The following SNX18 variants were observed in gnomAD, a reference collection of about 807,000 sequenced individuals.
SNX18 encodes sorting nexin 18.
Under a neutral mutation model 48.7 loss-of-function variants are expected in SNX18, and 35 were observed. The ratio of observed to expected loss-of-function variants is 0.72; its 90% CI spans 0.55 to 0.95. The LOEUF (loss-of-function observed/expected upper bound fraction) is 0.95, where lower values mean the gene tolerates loss of function less well. Among genes scored for constraint, SNX18 ranks in the 40% least tolerant of loss-of-function variants. The probability of loss-of-function intolerance (pLI) is 0.00; values close to 1 mark genes in which losing one functional copy is unlikely to be tolerated. For missense variants in SNX18, 824 were observed against 871.0 expected, an observed-to-expected ratio of 0.95 and a Z score of 0.68; for synonymous variants, 492 against 384.7, an observed-to-expected ratio of 1.28 and a Z score of -3.26.
At chr5:54,629,620 T>G in the SNX18 span, among the ~76,000 whole-genome samples, 1 of 152,202 alleles carries the variant, frequency 6.6e-6, no homozygotes, top group African/African-American at 2.4e-5. Flanking sequence ...GGTGCTGCAT[T>G]TACCTTGGTG....
At chr5:54,557,365 T>C in the SNX18 span, among the ~76,000 whole-genome samples, 1 of 152,224 alleles carries the variant, frequency 6.6e-6, no homozygotes, top group African/African-American at 2.4e-5. Context: ...GAATCACCTT[T>C]ATTTTGGAAA....
At chr5:54,633,779 T>C in the SNX18 span, among the ~76,000 whole-genome samples, 2 of 152,214 alleles carry the variant, frequency 1.3e-5, no homozygotes. Flanking sequence ...AGCTTGAACA[T>C]AAATTTCACT....
chr5:54,596,728 G>A, the SNX18 span, among the ~76,000 whole-genome samples: 20 of 152,250 alleles, frequency 1.3e-4, no homozygotes, highest in African/African-American at 4.8e-4. Flanking sequence ...CTGTCCATGA[G>A]ACAGATAGCA....
downstream of SNX18, among the ~76,000 whole-genome samples, chr5:54,551,207 C>T (rs1197498551): frequency 2.0e-5 from 3 of 152,080 alleles, no homozygotes; most frequent in Non-Finnish European, 2.9e-5. Context: ...ACAGTGGACT[C>T]AATGATCAAG....
At chr5:54,569,868 A>AG in the SNX18 span, among the ~76,000 whole-genome samples, 1 of 152,152 alleles carries the variant, frequency 6.6e-6, no homozygotes, top group Non-Finnish European at 1.5e-5. Flanking sequence ...ATTCATGGGG[A>AG]GGGGGCAAGA....
At chr5:54,538,243 G>A (rs1482767314) in intron 1 of SNX18, among the ~76,000 whole-genome samples, 1 of 152,150 alleles carries the variant, frequency 6.6e-6, no homozygotes, top group African/African-American at 2.4e-5. Context: ...GCCAACACTT[G>A]TAATATTGTT....
At chr5:54,552,534 G>A in the SNX18 span, among the ~76,000 whole-genome samples, 8 of 152,184 alleles carry the variant, frequency 5.3e-5, no homozygotes, top group Non-Finnish European at 1.2e-4. Flanking sequence ...CCAAATCATC[G>A]TCATCTAAAG....
the SNX18 span, among the ~76,000 whole-genome samples, chr5:54,629,088 G>T: frequency 6.6e-6 from 1 of 152,188 alleles, no homozygotes. Context: ...CCTGTGATTT[G>T]CCAGAATGCT....
chr5:54,638,014 A>AGAGAG, the SNX18 span, among the ~76,000 whole-genome samples: 1 of 150,146 alleles, frequency 6.7e-6, no homozygotes, highest in Non-Finnish European at 1.5e-5. Context: ...AGAGAGAGAG[A>AGAGAG]ACATTTTCTC....
intron 1 of SNX18, among the ~76,000 whole-genome samples, chr5:54,531,212 G>A (rs1000858085): frequency 6.6e-6 from 1 of 152,054 alleles, no homozygotes; most frequent in African/African-American, 2.4e-5. Flanking sequence ...GAAAGGAACA[G>A]GTGAACTCGA....
chr5:54,526,013 G>C (rs1762125588), intron 1 of SNX18, among the ~76,000 whole-genome samples: 1 of 152,164 alleles, frequency 6.6e-6, no homozygotes, highest in African/African-American at 2.4e-5. Flanking sequence ...CTGCTGCCTG[G>C]TGAGGGTTCC....
chr5:54,640,808 C>T, the SNX18 span, among the ~76,000 whole-genome samples: 1 of 152,040 alleles, frequency 6.6e-6, no homozygotes, highest in Non-Finnish European at 1.5e-5. Flanking sequence ...ACCTGTAATC[C>T]CAGCACTTTG....
At chr5:54,640,548 G>A in the SNX18 span, among the ~76,000 whole-genome samples, 1 of 152,142 alleles carries the variant, frequency 6.6e-6, no homozygotes, top group South Asian at 2.1e-4. Context: ...CTTACGCTCT[G>A]GCCTACAAGA....
chr5:54,518,088 G>A lies in SNX18; in HGVS notation c.136G>A (p.Gly46Ser). ...EGWLEGVNSR[G>S]DRGLFPASYV... is the part of the protein sequence containing the mutation. ...CTGGCTCGAGGGGGTCAACAGCCGCGGCGACCGCGGCCTCTTCCCGGCCTC... is the reference window on the plus strand; with the variant it reads ...CTGGCTCGAGGGGGTCAACAGCCGCAGCGACCGCGGCCTCTTCCCGGCCTC... Residue 46 changes from glycine to serine, a missense_variant, in exon 1 of 2, where the codon GGC becomes AGC. Coordinates refer to ENST00000381410, the MANE Select transcript of SNX18 (RefSeq NM_001102575.2). 6.5e-7 allele frequency: 1 copy of A among 1,527,676 alleles called. No homozygotes were observed. Among genetic ancestry groups the A allele is most frequent in the Non-Finnish European group, 8.7e-7 (1 of 1,143,504 alleles). 94.6% of individuals were successfully genotyped at this position (1,527,676 alleles called of 1,614,324 possible).
In SNX18 at chr5:54,544,425, A is replaced by G. The variant is rs1580111513; in HGVS notation, c.*993A>G. 1 of 150,438 alleles carries G rather than the reference A, an allele frequency of 6.6e-6. No homozygotes were observed. The highest frequency in any genetic ancestry group is 2.1e-4 in the South Asian group (1 of 4,728). The allele number at this position is 150,438 out of a possible 1,614,324, so 9.3% of individuals were successfully genotyped here. A position where few individuals can be genotyped will look rare whatever the true frequency, so the allele number is the denominator to read the frequency against. On this transcript the variant is annotated 3_prime_UTR_variant, in exon 2 of 2. Transcript: ENST00000381410. ...CAGTTTTTTGAAAAAAAATGGATCT[A>G]CACTGTTAACTGATTGAGACTCCAC...
rs1422275602 is a variant in SNX18 at position 54,518,884 on chromosome 5, G to A, written c.932G>A (p.Arg311Gln). 6.2e-7 allele frequency: 1 copy of A among 1,613,660 alleles called. No homozygotes were observed. Among genetic ancestry groups the A allele is most frequent in the African/African-American group, 1.3e-5 (1 of 74,928 alleles). The change falls in exon 1 of 2, where the codon CGG becomes CAG. Residue 311 changes from arginine to glutamine, a missense_variant. Transcript: ENST00000381410. The stretch of plus-strand genomic sequence containing the variant: ...ACGCACACGCAGGTGCCGGTGCATC[G>A]GCGCTACAAGCACTTCGACTGGCTG... Reference protein sequence around the residue: ...VPTHTQVPVHRRYKHFDWLYA... With the variant: ...VPTHTQVPVHQRYKHFDWLYA...
the SNX18 span, among the ~76,000 whole-genome samples, chr5:54,605,369 T>TA: frequency 3.3e-5 from 5 of 150,146 alleles, no homozygotes; most frequent in Non-Finnish European, 7.5e-5. Context: ...GACTTTTTTT[T>TA]AAAAAAAGCA....
chr5:54,610,837 A>G, the SNX18 span, among the ~76,000 whole-genome samples: 2 of 152,214 alleles, frequency 1.3e-5, no homozygotes, highest in African/African-American at 4.8e-5. Flanking sequence ...AAGCTCGTTA[A>G]GAGCACAGTC....
chr5:54,647,749 C>G, the SNX18 span, among the ~76,000 whole-genome samples: 474 of 152,200 alleles, frequency 3.1e-3, 3 homozygotes, highest in African/African-American at 0.011. Flanking sequence ...CAGGGGAAGG[C>G]TAAGTAGCAG....
Sources: gnomAD v4.1 joint callset for allele counts (sites outside exome capture counted in the v4.1 genomes callset) on GRCh38, gnomAD v4.1.1 for gene constraint, MANE v1.5 for transcripts, NCBI Gene and HGNC (gene_info 2026-07-23, HGNC 2026-07-21) for gene names.